ATF2: variants seen among roughly 807,000 people sequenced by gnomAD.
ATF2 encodes the protein cyclic AMP-dependent transcription factor ATF-2.
In ATF2, 24 loss-of-function variants were observed where a neutral mutation model predicts 60.6. The observed-to-expected ratio is 0.40, with a 90% CI of 0.29 to 0.56. The LOEUF (loss-of-function observed/expected upper bound fraction) is 0.56. Among genes scored for constraint, ATF2 ranks in the 20% least tolerant of loss-of-function variants. The pLI is 0.54. For missense variants in ATF2, 433 were observed against 607.7 expected (o/e 0.71, Z 3.02); for synonymous variants, 206 against 215.4 (o/e 0.96, Z 0.38).
intron 1 of ATF2, among the ~76,000 whole-genome samples, chr2:175,154,332 T>A (rs2105821984): frequency 1.3e-5 from 2 of 151,980 alleles, no homozygotes; most frequent in Non-Finnish European, 2.9e-5. Context: ...GTGACGATCA[T>A]CAGTGTCACT....
At chr2:175,126,768 C>A (rs1296605456) in intron 4 of ATF2, 2 of 152,114 alleles carry the variant, frequency 1.3e-5, no homozygotes, top group Admixed American at 1.3e-4. Context: ...AGAATGATAT[C>A]TAGAACATGT....
intron 13 of ATF2, among the ~76,000 whole-genome samples, chr2:175,078,747 A>C (rs941324361): frequency 3.3e-5 from 5 of 152,200 alleles, no homozygotes; most frequent in Non-Finnish European, 5.9e-5. Flanking sequence ...CAACATAATG[A>C]AGAGTGTAAA....
At chr2:175,095,865 C>G (rs1309822957) in intron 11 of ATF2, among the ~76,000 whole-genome samples, 1 of 152,180 alleles carries the variant, frequency 6.6e-6, no homozygotes, top group Non-Finnish European at 1.5e-5. Context: ...TCATACTTAA[C>G]TTGCAGACCA....
intron 1 of ATF2, among the ~76,000 whole-genome samples, chr2:175,154,234 AAT>A (rs372519893): frequency 2.7e-4 from 36 of 131,640 alleles, no homozygotes; most frequent in Non-Finnish European, 3.8e-4. Flanking sequence ...AGAAAAAAAA[AAT>A]ATATATATAT....
intron 10 of ATF2, among the ~76,000 whole-genome samples, chr2:175,109,981 C>T (rs1469282168): frequency 2.6e-5 from 4 of 152,178 alleles, no homozygotes; most frequent in African/African-American, 9.7e-5. Flanking sequence ...AGTTTTATTG[C>T]TAAAACAGGG....
At chr2:175,102,386 C>G (rs1468210844) in intron 10 of ATF2, among the ~76,000 whole-genome samples, 1 of 152,116 alleles carries the variant, frequency 6.6e-6, no homozygotes, top group Non-Finnish European at 1.5e-5. Context: ...CAGTCCATTA[C>G]TAAGATCAAA....
intron 4 of ATF2, among the ~76,000 whole-genome samples, chr2:175,128,057 A>G (rs1005262271): frequency 6.6e-6 from 1 of 152,200 alleles, no homozygotes; most frequent in African/African-American, 2.4e-5. Context: ...TGACAGAGTG[A>G]TGAATGGAAC....
At chr2:175,117,578 A>G (rs1696667457) in intron 7 of ATF2, among the ~76,000 whole-genome samples, 1 of 151,980 alleles carries the variant, frequency 6.6e-6, no homozygotes, top group South Asian at 2.1e-4. Context: ...AATTGCCGCT[A>G]ACAAAGATCC....
At chr2:175,112,357 A>G (rs1234639833) in intron 9 of ATF2, among the ~76,000 whole-genome samples, 2 of 150,232 alleles carry the variant, frequency 1.3e-5, no homozygotes, top group Non-Finnish European at 2.9e-5. Flanking sequence ...GAGTCCTTAC[A>G]AAGTCTCTCA....
At chr2:175,165,771 C>T (rs1559134181) in intron 1 of ATF2, among the ~76,000 whole-genome samples, 1 of 152,162 alleles carries the variant, frequency 6.6e-6, no homozygotes, top group Non-Finnish European at 1.5e-5. Flanking sequence ...CCAGGTTCAA[C>T]AGATTCTCCG....
chr2:175,092,233 C>T (rs1471531518), intron 12 of ATF2, among the ~76,000 whole-genome samples: 1 of 152,164 alleles, frequency 6.6e-6, no homozygotes, highest in Non-Finnish European at 1.5e-5. Context: ...CTCTTACCAT[C>T]AATTATGATT....
chr2:175,152,104 G>A (rs913149852), intron 1 of ATF2, among the ~76,000 whole-genome samples: 5 of 152,070 alleles, frequency 3.3e-5, no homozygotes, highest in Admixed American at 1.3e-4. Flanking sequence ...AATAATAGGA[G>A]GAATATTGGC....
In ATF2 at chr2:175,094,285, T is replaced by C. The variant is rs1314322914; in HGVS notation, c.979-1018A>G. ...GGTGCATGCCTATAATCCTAGATAA[T>C]TGGGAGGCTGAGGCACGAGAATCAC... On this transcript the variant is annotated intron_variant, in intron 11 of 13. Transcript: ENST00000264110. Among the ~76,000 whole-genome samples the C allele has an allele frequency of 4.6e-5, 7 of 151,018 alleles. No homozygotes were observed. The East Asian group carries it at 7.8e-4, about 17-fold the overall frequency.
intron 10 of ATF2, among the ~76,000 whole-genome samples, chr2:175,106,815 G>C (rs564945738): frequency 6.6e-6 from 1 of 151,918 alleles, no homozygotes; most frequent in Non-Finnish European, 1.5e-5. Flanking sequence ...CAGCCTGGGC[G>C]ACAGAGCAAG....
chr2:175,155,294 T>C (rs751590097), intron 1 of ATF2, among the ~76,000 whole-genome samples: 5 of 152,176 alleles, frequency 3.3e-5, no homozygotes, highest in Admixed American at 6.5e-5. Context: ...GAAGCTTCCA[T>C]GGAACAAAAC....
chr2:175,113,894 T>C (rs1056507726), intron 9 of ATF2, 100 bp downstream of exon 9: 29 of 974,284 alleles, frequency 3.0e-5, no homozygotes, highest in Middle Eastern at 2.4e-4. Context: ...ATCAATATTA[T>C]GTTAAATTCA....
At chr2:175,107,183 C>T (rs903678587) in intron 10 of ATF2, among the ~76,000 whole-genome samples, 5 of 152,022 alleles carry the variant, frequency 3.3e-5, no homozygotes, top group East Asian at 1.9e-4. Context: ...AAAGACCTCA[C>T]AACTAATGCC....
At chr2:175,145,469 CCTT>C (rs1698886732) in intron 2 of ATF2, among the ~76,000 whole-genome samples, 1 of 152,162 alleles carries the variant, frequency 6.6e-6, no homozygotes, top group African/African-American at 2.4e-5. Context: ...AGTAAATGCT[CCTT>C]GAGGCTTCCT....
At chr2:175,080,558 A>G (rs1693692684) in intron 13 of ATF2, 102 bp downstream of exon 13, 1 of 823,202 alleles carries the variant, frequency 1.2e-6, no homozygotes, top group Non-Finnish European at 1.9e-6. Context: ...TTAATCTTGA[A>G]TATTAGAAGC....
Sources: gnomAD v4.1 joint callset for allele counts (sites outside exome capture counted in the v4.1 genomes callset) on GRCh38, gnomAD v4.1.1 for gene constraint, MANE v1.5 for transcripts, NCBI Gene and HGNC (gene_info 2026-07-23, HGNC 2026-07-21) for gene names.